The following C10orf90 variants were observed in gnomAD, a reference collection of about 807,000 sequenced individuals.
C10orf90 encodes chromosome 10 open reading frame 90.
A neutral mutation model predicts 62.5 loss-of-function variants in C10orf90; 56 were observed. That is an observed-to-expected ratio of 0.90 (90% CI 0.72 to 1.12). The LOEUF (loss-of-function observed/expected upper bound fraction) is 1.12, where lower values mean the gene tolerates loss of function less well. C10orf90 is among the 50% of genes most tolerant of loss of function. The probability of loss-of-function intolerance (pLI) is 0.00; values close to 1 mark genes in which losing one functional copy is unlikely to be tolerated. For missense variants in C10orf90, 970 were observed against 880.4 expected (o/e 1.10, Z -1.29); for synonymous variants, 386 against 340.4 (o/e 1.13, Z -1.47).
intron 1 of C10orf90, among the ~76,000 whole-genome samples, chr10:126,654,183 G>C (rs566045393): frequency 6.3e-4 from 96 of 152,328 alleles, no homozygotes; most frequent in African/African-American, 2.3e-3. Flanking sequence ...TCCCTAACAA[G>C]AGAGTCAGCC....
intron 2 of C10orf90, among the ~76,000 whole-genome samples, chr10:126,581,242 G>A (rs1324861883): frequency 6.6e-6 from 1 of 152,194 alleles, no homozygotes; most frequent in African/African-American, 2.4e-5. Context: ...GTTCCCAAAA[G>A]CTCAAAGGAA....
At chr10:126,581,608 T>C (rs1179226389) in intron 2 of C10orf90, among the ~76,000 whole-genome samples, 50 of 152,172 alleles carry the variant, frequency 3.3e-4, no homozygotes. Flanking sequence ...CTCACAGGCA[T>C]AAAACTGATG....
chr10:126,508,648 C>A (rs1449155498), intron 3 of C10orf90, among the ~76,000 whole-genome samples: 1 of 152,192 alleles, frequency 6.6e-6, no homozygotes, highest in Non-Finnish European at 1.5e-5. Flanking sequence ...GGGAAAGATG[C>A]CGGCCTAGGA....
intron 4 of C10orf90, among the ~76,000 whole-genome samples, chr10:126,476,601 C>T (rs1053756032): frequency 6.6e-6 from 1 of 152,174 alleles, no homozygotes; most frequent in South Asian, 2.1e-4. Context: ...GAGTCCCTCC[C>T]CAAATGACGA....
intron 2 of C10orf90, among the ~76,000 whole-genome samples, chr10:126,614,558 T>G (rs2133806967): frequency 1.3e-5 from 2 of 152,234 alleles, no homozygotes; most frequent in Middle Eastern, 6.8e-3. Context: ...GGGGTGGATG[T>G]GGGCCACTGG....
intron 1 of C10orf90, among the ~76,000 whole-genome samples, chr10:126,652,821 T>TAAGTAA (rs1846317061): frequency 6.6e-6 from 1 of 152,210 alleles, no homozygotes; most frequent in Non-Finnish European, 1.5e-5. Context: ...AAGTATTCCT[T>TAAGTAA]TCAGCATGTT....
At chr10:126,469,905 C>T (rs1002381107) in intron 4 of C10orf90, 8 of 456,612 alleles carry the variant, frequency 1.8e-5, no homozygotes, top group African/African-American at 4.0e-5. Flanking sequence ...TTTTGGCAAG[C>T]GAGAGGCTGC....
chr10:126,630,597 G>A (rs952353163), intron 2 of C10orf90, among the ~76,000 whole-genome samples: 1 of 152,166 alleles, frequency 6.6e-6, no homozygotes, highest in Non-Finnish European at 1.5e-5. Context: ...CAATTACCAT[G>A]AGTGATCACC....
intron 1 of C10orf90, among the ~76,000 whole-genome samples, chr10:126,662,588 C>T (rs1206370526): frequency 6.6e-6 from 1 of 152,168 alleles, no homozygotes; most frequent in Non-Finnish European, 1.5e-5. Flanking sequence ...TTCCTGTGCC[C>T]CCGTTCAGAA....
chr10:126,450,722 C>T (rs1402190545), intron 7 of C10orf90, among the ~76,000 whole-genome samples: 2 of 152,104 alleles, frequency 1.3e-5, no homozygotes, highest in African/African-American at 4.8e-5. Flanking sequence ...AAATGTAATT[C>T]CTGAAACTCT....
intron 2 of C10orf90, among the ~76,000 whole-genome samples, chr10:126,532,836 A>C (rs1317679276): frequency 2.3e-4 from 19 of 84,312 alleles, no homozygotes; most frequent in African/African-American, 3.9e-4. Flanking sequence ...GAGCGAGACT[A>C]CGTCTCAAAA....
intron 2 of C10orf90, among the ~76,000 whole-genome samples, chr10:126,625,946 C>A (rs988196068): frequency 6.6e-6 from 1 of 151,976 alleles, no homozygotes; most frequent in Non-Finnish European, 1.5e-5. Context: ...GAAACCCGAT[C>A]TCTACCAAAA....
At position 126,509,631 on chromosome 10, in the gene C10orf90, C is replaced by T. The variant is rs115912244; in HGVS notation, c.405+4217G>A. Among the ~76,000 whole-genome samples the T allele has an allele frequency of 5.6e-3, 846 of 152,274 alleles. 6 individuals are homozygous for T. Among genetic ancestry groups the T allele is most frequent in the African/African-American group, 0.019 (790 of 41,542 alleles). ...TGCATTCCACATATTTATTTGGGCACCTACTATGAGCCAAGTGCTGCATTT... is the reference window on the plus strand; with the variant it reads ...TGCATTCCACATATTTATTTGGGCATCTACTATGAGCCAAGTGCTGCATTT... On this transcript the variant is annotated intron_variant, in intron 3 of 9. Transcript: ENST00000488181.
intron 1 of C10orf90, among the ~76,000 whole-genome samples, chr10:126,667,209 C>A (rs1251697928): frequency 6.6e-6 from 1 of 151,744 alleles, no homozygotes; most frequent in Non-Finnish European, 1.5e-5. Flanking sequence ...CAGGCACCTG[C>A]CACCACACCC....
intron 2 of C10orf90, chr10:126,521,205 T>C (rs1474208331): frequency 6.9e-7 from 1 of 1,441,354 alleles, no homozygotes; most frequent in Non-Finnish European, 9.6e-7. Context: ...CCTCATACAG[T>C]ACTGGGCCCA....
At chr10:126,513,663 T>C (rs918635856) in intron 3 of C10orf90, among the ~76,000 whole-genome samples, 185 bp downstream of exon 3, 8 of 152,232 alleles carry the variant, frequency 5.3e-5, no homozygotes, top group Admixed American at 5.2e-4. Context: ...GCTGCAAGCT[T>C]ACAAATTGTT....
chr10:126,482,499 C>T (rs1222768115), intron 4 of C10orf90, among the ~76,000 whole-genome samples: 1 of 152,220 alleles, frequency 6.6e-6, no homozygotes, highest in Non-Finnish European at 1.5e-5. Flanking sequence ...TCTCTCTCTG[C>T]ACCTTGCCTT....
intron 4 of C10orf90, among the ~76,000 whole-genome samples, chr10:126,476,278 C>T (rs1860861252): frequency 6.6e-6 from 1 of 152,192 alleles, no homozygotes; most frequent in South Asian, 2.1e-4. Flanking sequence ...TTTTTGCAAA[C>T]CTCAATCACA....
chr10:126,626,645 G>A (rs1044409033), intron 2 of C10orf90, among the ~76,000 whole-genome samples: 6 of 152,280 alleles, frequency 3.9e-5, no homozygotes, highest in Non-Finnish European at 2.9e-5. Context: ...ATTGATCTTT[G>A]AACTATTGTG....
Sources: gnomAD v4.1 joint callset for allele counts (sites outside exome capture counted in the v4.1 genomes callset) on GRCh38, gnomAD v4.1.1 for gene constraint, MANE v1.5 for transcripts, NCBI Gene and HGNC (gene_info 2026-07-23, HGNC 2026-07-21) for gene names.